Variants in UBR2 observed in about 807,000 individuals in gnomAD.
UBR2 encodes the protein ubiquitin protein ligase E3 component n-recognin 2, also known as E3 ubiquitin-protein ligase UBR2.
UBR2 carries 92 observed loss-of-function variants against 247.9 expected under a neutral mutation model. The ratio of observed to expected loss-of-function variants is 0.37; its 90% CI spans 0.31 to 0.44. The LOEUF (loss-of-function observed/expected upper bound fraction) is 0.44. UBR2 is among the 20% of genes least tolerant of loss of function. The probability of loss-of-function intolerance (pLI) is 1.00; values close to 1 mark genes in which losing one functional copy is unlikely to be tolerated. For missense variants in UBR2, 1,613 were observed against 2,112.6 expected, an observed-to-expected ratio of 0.76 and a Z score of 4.64; for synonymous variants, 672 against 693.5, an observed-to-expected ratio of 0.97 and a Z score of 0.49.
At chr6:42,596,975 T>C (rs1420617048) in intron 4 of UBR2, among the ~76,000 whole-genome samples, 1 of 152,232 alleles carries the variant, frequency 6.6e-6, no homozygotes, top group African/African-American at 2.4e-5. Context: ...GTTAATTTTA[T>C]GTTCTGTAAA....
chr6:42,632,069 A>AAAAAATAT (rs56721828), intron 11 of UBR2, among the ~76,000 whole-genome samples: 35 of 114,076 alleles, frequency 3.1e-4, no homozygotes, highest in African/African-American at 1.1e-3. Flanking sequence ...AAAAAAAAAA[A>AAAAAATAT]ATATATATAT....
chr6:42,571,853 TC>T (rs1160636721), intron 1 of UBR2, among the ~76,000 whole-genome samples: 3 of 151,800 alleles, frequency 2.0e-5, no homozygotes, highest in Non-Finnish European at 4.4e-5. Flanking sequence ...CAAAACGAGG[TC>T]TTTTAGCTCA....
intron 4 of UBR2, among the ~76,000 whole-genome samples, chr6:42,596,245 C>G (rs1018760170): frequency 2.0e-5 from 3 of 150,894 alleles, no homozygotes; most frequent in African/African-American, 7.3e-5. Context: ...TCAACAAACA[C>G]ATGAAAAGAT....
intron 34 of UBR2, among the ~76,000 whole-genome samples, chr6:42,666,876 T>TA (rs1299099325): frequency 1.3e-5 from 2 of 152,166 alleles, no homozygotes; most frequent in African/African-American, 4.8e-5. Flanking sequence ...CACCACCACT[T>TA]ATTAGCTGTG....
chr6:42,630,660 C>T (rs550832437), intron 11 of UBR2, among the ~76,000 whole-genome samples: 1 of 152,262 alleles, frequency 6.6e-6, no homozygotes, highest in African/African-American at 2.4e-5. Flanking sequence ...TTACTGCCTG[C>T]TTTAAGTCCT....
chr6:42,683,105 C>T lies in UBR2; in HGVS notation c.4769C>T (p.Ala1590Val). The T allele has an allele frequency of 7.4e-6, 12 of 1,612,226 alleles. No individual in the cohort carries two copies. Among genetic ancestry groups the T allele is most frequent in the Non-Finnish European group, 1.0e-5 (12 of 1,179,196 alleles). Residue 1590 changes from alanine (A) to valine (V), a missense_variant, in exon 43 of 47, where the codon GCT becomes GTT. Ala to Val is a moderately conservative substitution (Grantham distance 64). Coordinates refer to ENST00000372901, the MANE Select transcript of UBR2 (RefSeq NM_001363705.2). ...VKRYLEGERD[A>V]IRYPRESNKL... The stretch of plus-strand genomic sequence containing the variant: ...AGATATCTAGAAGGTGAAAGAGATG[C>T]TATAAGGTAAGTTAAAGAGCCTCAA...
chr6:42,642,519 G>A (rs754519075), intron 18 of UBR2, 38 bp downstream of exon 18: 13 of 1,517,792 alleles, frequency 8.6e-6, no homozygotes, highest in Admixed American at 3.5e-5. Context: ...AGGTTGTGGG[G>A]AATCTTTGCT....
chr6:42,623,150 C>T (rs766565753), intron 11 of UBR2, among the ~76,000 whole-genome samples: 2 of 152,136 alleles, frequency 1.3e-5, no homozygotes. Context: ...AAATCTTTGT[C>T]TCATATCTGA....
chr6:42,564,423 C>T, intron 1 of UBR2, 26 bp downstream of exon 1: 1 of 1,599,960 alleles, frequency 6.3e-7, no homozygotes, highest in Non-Finnish European at 8.5e-7. Flanking sequence ...CGGGCGGGTG[C>T]GTCTGCCCCT....
chr6:42,593,569 G>T (rs1167155262), intron 3 of UBR2, among the ~76,000 whole-genome samples: 6 of 152,072 alleles, frequency 3.9e-5, no homozygotes, highest in Non-Finnish European at 8.8e-5. Flanking sequence ...GTTCTGTGAT[G>T]CCAGATTTCT....
chr6:42,688,178 T>C (rs1562408609), intron 44 of UBR2, 38 bp from the exon 45 acceptor site: 1 of 1,614,038 alleles, frequency 6.2e-7, no homozygotes. Context: ...TTAGCCACTC[T>C]TTAGATCAAT....
At chr6:42,596,652 A>C (rs532179289) in intron 4 of UBR2, among the ~76,000 whole-genome samples, 2 of 152,346 alleles carry the variant, frequency 1.3e-5, no homozygotes, top group East Asian at 3.9e-4. Context: ...TTTCGTCCAT[A>C]AAAAGGAATG....
At chr6:42,677,513 C>T (rs1798782159) in intron 40 of UBR2, among the ~76,000 whole-genome samples, 1 of 152,204 alleles carries the variant, frequency 6.6e-6, no homozygotes, top group Non-Finnish European at 1.5e-5. Flanking sequence ...CACGGTGTCT[C>T]ACCCCTATAA....
chr6:42,680,807 C>T (rs1308742954), intron 42 of UBR2, among the ~76,000 whole-genome samples: 1 of 152,104 alleles, frequency 6.6e-6, no homozygotes, highest in Non-Finnish European at 1.5e-5. Flanking sequence ...AGTGGCTCAC[C>T]CCTGTAATCC....
rs116835249 is a variant in UBR2, at chr6:42,603,541, T to G, written c.532-47T>G. 7.6e-3 allele frequency: 11,250 copies of G among 1,477,222 alleles called. 206 individuals are homozygous for G. The highest frequency in any genetic ancestry group is 0.053 in the East Asian group (2,140 of 40,222). The allele number at this position is 1,477,222 out of a possible 1,614,324, so 91.5% of individuals were successfully genotyped here. On this transcript the variant is annotated intron_variant, in intron 4 of 46. Transcript: ENST00000372901. ...GAAGCAGAATGAAAATTAATGTACA[T>G]GATTGCCCTTTTTTTCTTTTTCTTT... is the stretch of plus-strand genomic sequence containing the variant.
intron 8 of UBR2, among the ~76,000 whole-genome samples, chr6:42,614,202 A>ATATAT (rs1562310731): frequency 3.2e-4 from 12 of 37,862 alleles, no homozygotes; most frequent in South Asian, 3.1e-3. Flanking sequence ...AAAAAAAAAA[A>ATATAT]AAACTATATA....
intron 4 of UBR2, among the ~76,000 whole-genome samples, chr6:42,600,395 A>T (rs1160886070): frequency 6.6e-6 from 1 of 152,158 alleles, no homozygotes; most frequent in Non-Finnish European, 1.5e-5. Flanking sequence ...GATGTCATTT[A>T]TTGTTCCAAC....
At chr6:42,589,205 G>A (rs9357398) in intron 2 of UBR2, among the ~76,000 whole-genome samples, 140 of 152,270 alleles carry the variant, frequency 9.2e-4, no homozygotes, top group Non-Finnish European at 1.2e-3. Context: ...CTGGCTTCAA[G>A]CGATCCTCTC....
chr6:42,579,440 C>T (rs1271169454), intron 2 of UBR2, among the ~76,000 whole-genome samples: 4 of 152,184 alleles, frequency 2.6e-5, no homozygotes, highest in Admixed American at 2.6e-4. Flanking sequence ...AGAGGGGACA[C>T]ATATCCAAAC....
Sources: gnomAD v4.1 joint callset for allele counts (sites outside exome capture counted in the v4.1 genomes callset) on GRCh38, gnomAD v4.1.1 for gene constraint, MANE v1.5 for transcripts, NCBI Gene and HGNC (gene_info 2026-07-23, HGNC 2026-07-21) for gene names.